CTNNA2: variants seen among roughly 807,000 people sequenced by gnomAD.
CTNNA2 encodes the protein catenin alpha-2.
CTNNA2 carries 42 observed loss-of-function variants against 101.0 expected under a neutral mutation model. The observed-to-expected ratio is 0.42, with a 90% CI of 0.32 to 0.54. CTNNA2 has a LOEUF of 0.54. Among genes scored for constraint, CTNNA2 ranks in the 20% least tolerant of loss-of-function variants. CTNNA2 has a pLI of 0.14. For synonymous variants in CTNNA2, 450 were observed against 456.4 expected (o/e 0.99, Z 0.18); for missense variants, 871 against 1,223.1 (o/e 0.71, Z 4.29).
rs142351048 is a variant in CTNNA2, at chr2:80,109,646, AAAACCTTCTGTTTGGCGTGG to A, written c.1056+199854_1056+199873del. Among the ~76,000 whole-genome samples, 758 of 152,248 alleles carry A rather than the reference AAAACCTTCTGTTTGGCGTGG, an allele frequency of 5.0e-3. 5 individuals carry two copies. The highest frequency in any genetic ancestry group is 0.018 in the African/African-American group (729 of 41,538). On this transcript the variant is annotated intron_variant, in intron 7 of 18. Coordinates refer to ENST00000402739, the MANE Select transcript of CTNNA2 (RefSeq NM_001282597.3). ...ACAGCATAATGTTCTCTGCTTCTCA[AAAACCTTCTGTTTGGCGTGG>A]AAACACATGCTCTGATCTGTATGTC...
At chr2:79,936,001 T>C (rs930692478) in intron 7 of CTNNA2, among the ~76,000 whole-genome samples, 2 of 152,250 alleles carry the variant, frequency 1.3e-5, no homozygotes, top group African/African-American at 4.8e-5. Context: ...ATGCTGATGT[T>C]ATAGAATGGC....
intron 2 of CTNNA2, among the ~76,000 whole-genome samples, chr2:79,669,036 T>C (rs769650607): frequency 6.6e-6 from 1 of 152,116 alleles, no homozygotes; most frequent in Non-Finnish European, 1.5e-5. Flanking sequence ...GTATCTCACG[T>C]GGAGATCTTG....
chr2:79,657,182 C>T (rs1484899891), intron 2 of CTNNA2, among the ~76,000 whole-genome samples: 1 of 151,704 alleles, frequency 6.6e-6, no homozygotes, highest in Non-Finnish European at 1.5e-5. Context: ...AAATGGCCAA[C>T]ATAAACCCCT....
At chr2:80,603,448 C>T (rs1329263909) in intron 15 of CTNNA2, 2 of 151,968 alleles carry the variant, frequency 1.3e-5, no homozygotes, top group African/African-American at 4.8e-5. Context: ...GCCCACAGGC[C>T]AACAAAACTC....
chr2:79,277,179 G>A (rs1221096716), intron 2 of CTNNA2, among the ~76,000 whole-genome samples: 1 of 152,084 alleles, frequency 6.6e-6, no homozygotes, highest in East Asian at 1.9e-4. Flanking sequence ...GCTTGCACCA[G>A]GATTGCAACA....
chr2:80,468,089 G>C (rs899680133), intron 9 of CTNNA2, among the ~76,000 whole-genome samples: 41 of 152,258 alleles, frequency 2.7e-4, no homozygotes, highest in African/African-American at 9.6e-4. Flanking sequence ...AGAGTATCTT[G>C]TGAGGAATTG....
chr2:80,284,035 G>A (rs533656644), intron 7 of CTNNA2, among the ~76,000 whole-genome samples: 81 of 152,214 alleles, frequency 5.3e-4, no homozygotes, highest in African/African-American at 1.4e-3. Context: ...CCCATTCATG[G>A]CAATCCAAGT....
chr2:80,117,723 G>A (rs1701604857), intron 7 of CTNNA2, among the ~76,000 whole-genome samples: 1 of 152,124 alleles, frequency 6.6e-6, no homozygotes, highest in Admixed American at 6.5e-5. Context: ...GGATTGAATA[G>A]GCAATGTGGA....
At chr2:79,783,128 A>G (rs1674579525) in intron 3 of CTNNA2, among the ~76,000 whole-genome samples, 1 of 152,174 alleles carries the variant, frequency 6.6e-6, no homozygotes, top group African/African-American at 2.4e-5. Context: ...CCCTCTGTGC[A>G]TGCTGATGGA....
chr2:79,679,949 A>G (rs1260795785), intron 2 of CTNNA2, among the ~76,000 whole-genome samples: 2 of 152,170 alleles, frequency 1.3e-5, no homozygotes, highest in Non-Finnish European at 2.9e-5. Context: ...TTTCTACACT[A>G]AATGTTACAA....
At position 79,803,440 on chromosome 2, in the gene CTNNA2, C is replaced by T. The variant is rs997322049; in HGVS notation, c.299-54573C>T. On this transcript the variant is annotated intron_variant, in intron 3 of 18. Coordinates refer to ENST00000402739, the MANE Select transcript of CTNNA2 (RefSeq NM_001282597.3). The stretch of plus-strand genomic sequence containing the variant: ...AGATATTTGACTAACTAAAAGTATC[C>T]CTTATGGGAAATGAAGGGATGGGCC... Among the ~76,000 whole-genome samples the T allele has an allele frequency of 5.9e-5, 9 of 152,196 alleles. 1 individual carries two copies. The highest frequency in any genetic ancestry group is 1.5e-5 in the Non-Finnish European group (1 of 68,038).
intron 2 of CTNNA2, among the ~76,000 whole-genome samples, chr2:79,236,993 A>G (rs558968738): frequency 6.6e-6 from 1 of 152,334 alleles, no homozygotes; most frequent in Non-Finnish European, 1.5e-5. Flanking sequence ...TTGGAGCATG[A>G]CTGAAAAATT....
At chr2:79,462,341 A>T (rs1670889116) in intron 4 of CTNNA2, among the ~76,000 whole-genome samples, 1 of 152,226 alleles carries the variant, frequency 6.6e-6, no homozygotes, top group African/African-American at 2.4e-5. Flanking sequence ...ATTTATCTAG[A>T]GATTCAAAGA....
chr2:79,917,156 C>T (rs904975081), intron 7 of CTNNA2, among the ~76,000 whole-genome samples: 1 of 151,906 alleles, frequency 6.6e-6, no homozygotes, highest in African/African-American at 2.4e-5. Flanking sequence ...ACTGCAACTT[C>T]AGCCTCCCAG....
At chr2:80,034,354 CT>C (rs1199616310) in intron 7 of CTNNA2, among the ~76,000 whole-genome samples, 132 of 54,094 alleles carry the variant, frequency 2.4e-3, no homozygotes, top group Non-Finnish European at 3.4e-3. Context: ...ATTTTTTTTT[CT>C]TTTTTTTTTT....
rs566856578 is a variant in CTNNA2, at chr2:80,126,685, G to GTCTT, written c.1056+216891_1056+216894dup. On this transcript the variant is annotated intron_variant, in intron 7 of 18. Transcript: ENST00000402739. ...CTTCCTTCCTCACTCCCTCCCTTTC[G>GTCTT]TCTTTCCTTCCTTCCTCCCCAGCTT... Among the ~76,000 whole-genome samples, 524 of 127,468 alleles carry GTCTT rather than the reference G, an allele frequency of 4.1e-3. 1 individual carries two copies. The highest frequency in any genetic ancestry group is 0.013 in the African/African-American group (429 of 33,544). The allele number at this position is 127,468 out of a possible 152,430, so 83.6% of individuals were successfully genotyped here. A position where few individuals can be genotyped will look rare whatever the true frequency, so the allele number is the denominator to read the frequency against.
chr2:79,519,252 C>T (rs886581096), intron 1 of CTNNA2, among the ~76,000 whole-genome samples: 4 of 148,470 alleles, frequency 2.7e-5, no homozygotes, highest in Non-Finnish European at 6.0e-5. Context: ...AAAAAAGAGT[C>T]TTGGGGAAAA....
At chr2:79,739,599 C>T (rs540504621) in intron 2 of CTNNA2, among the ~76,000 whole-genome samples, 35 of 152,292 alleles carry the variant, frequency 2.3e-4, no homozygotes, top group African/African-American at 8.2e-4. Flanking sequence ...AGTTTTGTTA[C>T]ATGGATATAT....
At chr2:80,553,985 G>C (rs541874726) in intron 11 of CTNNA2, among the ~76,000 whole-genome samples, 4 of 152,102 alleles carry the variant, frequency 2.6e-5, no homozygotes, top group Middle Eastern at 3.4e-3. Flanking sequence ...AAATTTAAAC[G>C]TTTCATTATT....
Sources: allele counts gnomAD v4.1 joint callset (sites outside exome capture counted in the v4.1 genomes callset), GRCh38; gene constraint gnomAD v4.1.1; transcripts MANE v1.5; gene names NCBI Gene and HGNC (gene_info 2026-07-23, HGNC 2026-07-21).